DRP2: variants seen among roughly 807,000 people sequenced by gnomAD.
DRP2 encodes dystrophin related protein 2.
A neutral mutation model predicts 78.2 loss-of-function variants in DRP2; 29 were observed. That is an observed-to-expected ratio of 0.37 (90% CI 0.28 to 0.51). DRP2 has a LOEUF of 0.51. Among genes scored for constraint, DRP2 ranks in the 20% least tolerant of loss-of-function variants. The probability of loss-of-function intolerance (pLI) is 0.94; values close to 1 mark genes in which losing one functional copy is unlikely to be tolerated. For missense variants in DRP2, 686 were observed against 770.6 expected, an observed-to-expected ratio of 0.89 and a Z score of 1.30; for synonymous variants, 290 against 281.9, an observed-to-expected ratio of 1.03 and a Z score of -0.29.
intron 9 of DRP2, among the ~76,000 whole-genome samples, chrX:101,244,520 A>C (rs1208015278): frequency 9.0e-6 from 1 of 111,589 alleles, no homozygotes; most frequent in East Asian, 2.8e-4. Flanking sequence ...ACAGGCAGAG[A>C]GAGGCATGAG....
At chrX:101,223,357 A>G (rs770159631) in intron 1 of DRP2, among the ~76,000 whole-genome samples, 10 of 112,177 alleles carry the variant, frequency 8.9e-5, no homozygotes, top group Admixed American at 2.8e-4. Flanking sequence ...ATGTTGTAAC[A>G]CGGGTCTCTA....
In DRP2 at chrX:101,250,506, C is replaced by A. The variant is rs1282787347; in HGVS notation, c.1624C>A (p.Pro542Thr). The change falls in exon 15 of 24, where the codon CCC becomes ACC. Residue 542 changes from proline to threonine, a missense_variant. Pro to Thr is a conservative substitution (Grantham distance 38, BLOSUM62 -1). Transcript: ENST00000395209. ...GVLLHEAIQV[P>T]RQLGEVAAFG... Reference sequence around the variant, plus strand: ...CCTGCTTCATGAGGCCATTCAGGTGCCCCGTCAGCTGGGTGAAGTGGCAGC... The same window carrying A: ...CCTGCTTCATGAGGCCATTCAGGTGACCCGTCAGCTGGGTGAAGTGGCAGC... 1 of 1,208,819 alleles carries A rather than the reference C, an allele frequency of 8.3e-7. No individual in the cohort carries two copies. Among genetic ancestry groups the A allele is most frequent in the East Asian group, 3.0e-5 (1 of 33,723 alleles).
Position 101,242,331 on chromosome X carries a change from AAAG to A in DRP2, c.841_843del (p.Glu281del). 1 of 1,210,388 alleles carries A rather than the reference AAAG, an allele frequency of 8.3e-7. No homozygotes were observed. The highest frequency in any genetic ancestry group is 1.7e-5 in the African/African-American group (1 of 57,780). ...TTGGGTCCTGGTTCTCCAGCTGTTC[AAAG>A]AAGAATTCTCCCCCATGAAAGATGG... On this transcript the variant is annotated inframe_deletion, in exon 8 of 24. Transcript: ENST00000395209.
At chrX:101,247,605 G>C (rs1922975809) in intron 12 of DRP2, among the ~76,000 whole-genome samples, 1 of 111,702 alleles carries the variant, frequency 9.0e-6, no homozygotes, top group African/African-American at 3.2e-5. Context: ...TCCTGGCTCA[G>C]GCATGTCTGG....
chrX:101,248,643 A>G lies in DRP2; in HGVS notation c.1540+44A>G, dbSNP rs745389126. On this transcript the variant is annotated intron_variant, in intron 14 of 23. Transcript: ENST00000395209. ...TGTGGAGTGGTGTTGGGTAGAGGGA[A>G]AGGTGTTGCAGGGAGGAGGAAGGGT... The G allele has an allele frequency of 1.3e-5, 14 of 1,118,420 alleles. No individual in the cohort carries two copies. In the South Asian group the frequency reaches 2.2e-4, roughly 18 times the overall value. 92.2% of individuals were successfully genotyped at this position (1,118,420 alleles called of 1,213,427 possible).
intron 21 of DRP2, among the ~76,000 whole-genome samples, chrX:101,257,429 T>TTA (rs1470483081): frequency 1.7e-4 from 9 of 51,440 alleles, no homozygotes; most frequent in African/African-American, 6.0e-4. Flanking sequence ...CAAGGCAAGA[T>TTA]AAAAAAAAAA....
intron 2 of DRP2, among the ~76,000 whole-genome samples, chrX:101,228,905 CA>C (rs954523757): frequency 2.4e-4 from 24 of 99,573 alleles, no homozygotes; most frequent in East Asian, 3.1e-4. Flanking sequence ...GACCCTGTCT[CA>C]AAAAAAAAAA....
chrX:101,255,060 C>G lies in DRP2; in HGVS notation c.2181-124C>G. The G allele has an allele frequency of 8.5e-6, 9 of 1,053,442 alleles. No individual in the cohort carries two copies. The South Asian group carries it at 1.8e-4, about 21-fold the overall frequency. The allele number at this position is 1,053,442 out of a possible 1,213,427, so 86.8% of individuals were successfully genotyped here. ...TGGGGTGTGCAGCAGCCAGCAAGAC[C>G]CAACACTTAGGAGTAGTTGGGGCAG... On this transcript the variant is annotated intron_variant, in intron 19 of 23. Coordinates refer to ENST00000395209, the MANE Select transcript of DRP2 (RefSeq NM_001939.3).
Position 101,258,390 on chromosome X carries a change from T to G in DRP2, c.2472T>G (p.Thr824=). Reference sequence around the variant, plus strand: ...CACCCAGTCTGGCTGACGGCTCCACTGAGGCAGCAACAGACCACCGCAATG... The same window carrying G: ...CACCCAGTCTGGCTGACGGCTCCACGGAGGCAGCAACAGACCACCGCAATG... The part of the protein sequence containing the change: ...AEAPSLADGS[T]EAATDHRNEE... The change falls in exon 22 of 24, where the codon ACT becomes ACG. Residue 824 remains threonine (T), a synonymous_variant. Transcript: ENST00000395209. The G allele has an allele frequency of 3.3e-6, 4 of 1,203,964 alleles. No individual in the cohort carries two copies. Among genetic ancestry groups the G allele is most frequent in the Non-Finnish European group, 4.5e-6 (4 of 892,399 alleles).
intron 21 of DRP2, among the ~76,000 whole-genome samples, chrX:101,257,449 AAGAG>A: frequency 9.3e-6 from 1 of 108,038 alleles, no homozygotes; most frequent in East Asian, 2.9e-4. Flanking sequence ...AAAAAAAAAA[AAGAG>A]AGAGTAAGCT....
chrX:101,239,083 C>A lies in DRP2; in HGVS notation c.541C>A (p.Pro181Thr). ...GCACCCATTTGAGGAGTTAGAGGAG[C>A]CTCATTCTGAGAGCAAAGGTAGGTG... ...SQHPFEELEE[P>T]HSESKDTSPK... Residue 181 changes from proline to threonine, a missense_variant, in exon 6 of 24, where the codon CCT becomes ACT. Pro to Thr is a conservative substitution (Grantham distance 38). Transcript: ENST00000395209. 8.3e-7 allele frequency: 1 copy of A among 1,210,205 alleles called. No homozygotes were observed. The highest frequency in any genetic ancestry group is 3.0e-5 in the East Asian group (1 of 33,822).
At chrX:101,250,852 C>T in intron 15 of DRP2, 65 bp from the exon 16 acceptor site, 2 of 1,169,522 alleles carry the variant, frequency 1.7e-6, no homozygotes, top group Admixed American at 2.3e-5. Context: ...CCTCTGAGGG[C>T]TGCCATTCTA....
At position 101,248,170 on chromosome X, in the gene DRP2, T is replaced by G; in HGVS notation, c.1334T>G (p.Val445Gly). ...GCCAGTGAGCACGTGATGGATGTGGTAGAGGTCATTCACTGCCTGACTGCC... is the reference window on the plus strand; with the variant it reads ...GCCAGTGAGCACGTGATGGATGTGGGAGAGGTCATTCACTGCCTGACTGCC... ...LQASEHVMDV[V>G]EVIHCLTALY... The change falls in exon 13 of 24, where the codon GTA becomes GGA. Residue 445 changes from valine to glycine, a missense_variant. Physicochemically the swap from Val to Gly is moderately radical, Grantham distance 109. This residue lies in a region of DRP2 where 423 missense variants were observed against 531.5 expected (regional missense o/e 0.80). Coordinates refer to ENST00000395209, the MANE Select transcript of DRP2 (RefSeq NM_001939.3). 1.2e-5 allele frequency: 14 copies of G among 1,211,506 alleles called. No individual in the cohort carries two copies. The highest frequency in any genetic ancestry group is 1.6e-5 in the Non-Finnish European group (14 of 895,236).
chrX:101,248,209 T>G lies in DRP2; in HGVS notation c.1373T>G (p.Leu458Trp). 1 of 1,211,977 alleles carries G rather than the reference T, an allele frequency of 8.3e-7. No homozygotes were observed. The highest frequency in any genetic ancestry group is 1.1e-6 in the Non-Finnish European group (1 of 895,542). Residue 458 changes from leucine to tryptophan, a missense_variant, in exon 13 of 24, where the codon TTG (leucine) becomes TGG (tryptophan). By Grantham distance (61) the Leu-to-Trp change is moderately conservative (BLOSUM62 -2). Transcript: ENST00000395209. The part of the protein sequence containing the change: ...IHCLTALYER[L>W]EEERGILVNV... Reference sequence around the variant, plus strand: ...TGCCTGACTGCCTTATATGAACGTTTGGAGGAGGAAAGAGGCATCCTGGTC... The same window carrying G: ...TGCCTGACTGCCTTATATGAACGTTGGGAGGAGGAAAGAGGCATCCTGGTC...
intron 16 of DRP2, 196 bp downstream of exon 16, chrX:101,251,279 G>A: frequency 4.8e-6 from 2 of 418,952 alleles, no homozygotes; most frequent in Non-Finnish European, 7.5e-6. Context: ...GAAATATTTT[G>A]TTTTAGTTGT....
rs1922303988 is a variant in DRP2, at chrX:101,231,431, T to C, written c.-63-154T>C. Reference sequence around the variant, plus strand: ...CAATAAATGCTTCCTTGGTCAATAATTAAATAAAGTATTTTATGGTACATG... The same window carrying C: ...CAATAAATGCTTCCTTGGTCAATAACTAAATAAAGTATTTTATGGTACATG... On this transcript the variant is annotated intron_variant, in intron 2 of 23. Transcript: ENST00000395209. 9 of 435,771 alleles carry C rather than the reference T, an allele frequency of 2.1e-5. No homozygotes were observed. In the South Asian group the frequency reaches 2.6e-4, roughly 13 times the overall value. The allele number at this position is 435,771 out of a possible 1,213,427, so 35.9% of individuals were successfully genotyped here.
At chrX:101,230,275 A>G (rs982767143) in intron 2 of DRP2, among the ~76,000 whole-genome samples, 2 of 112,024 alleles carry the variant, frequency 1.8e-5, no homozygotes, top group African/African-American at 6.5e-5. Context: ...CTGTAATCCC[A>G]GCACTTTGGG....
At chrX:101,225,310 C>T (rs1445222191) in intron 2 of DRP2, among the ~76,000 whole-genome samples, 1 of 111,430 alleles carries the variant, frequency 9.0e-6, no homozygotes, top group Non-Finnish European at 1.9e-5. Context: ...TATGGATACA[C>T]TTTCCAGGTA....
At chrX:101,231,785 G>A in intron 3 of DRP2, 21 bp downstream of exon 3, 1 of 1,171,296 alleles carries the variant, frequency 8.5e-7, no homozygotes, top group Non-Finnish European at 1.2e-6. Context: ...GATAGTGAAA[G>A]AAAGACCTGT....
Sources: allele counts gnomAD v4.1 joint callset (sites outside exome capture counted in the v4.1 genomes callset), GRCh38; gene constraint gnomAD v4.1.1; regional missense constraint gnomAD v4.1.1; transcripts MANE v1.5; gene names NCBI Gene and HGNC (gene_info 2026-07-23, HGNC 2026-07-21).